SLC22A23: variants seen among roughly 807,000 people sequenced by gnomAD.
The protein encoded by SLC22A23 is ion transporter protein.
Under a neutral mutation model 61.0 loss-of-function variants are expected in SLC22A23, and 26 were observed. The observed-to-expected ratio is 0.43, with a 90% confidence interval of 0.31 to 0.59. The LOEUF (loss-of-function observed/expected upper bound fraction) is 0.59. Ranked by LOEUF, SLC22A23 falls within the 20% of genes least tolerant of loss-of-function variation. SLC22A23 has a pLI of 0.11. For missense variants in SLC22A23, 796 were observed against 934.7 expected, an observed-to-expected ratio of 0.85 and a Z score of 1.94; for synonymous variants, 430 against 413.9, an observed-to-expected ratio of 1.04 and a Z score of -0.47.
At position 3,372,832 on chromosome 6, in the gene SLC22A23, C is replaced by T. The variant is rs1289480100; in HGVS notation, c.913+37356G>A. 6.6e-6 allele frequency among the ~76,000 whole-genome samples: 1 copy of T among 152,230 alleles called. No homozygotes were observed. The highest frequency in any genetic ancestry group is 6.5e-5 in the Admixed American group (1 of 15,290). ...AAATCTCTTTCTCTTCATTATATTT[C>T]ATCGCCAAACATTTATGAAATACTT... is the stretch of plus-strand genomic sequence containing the variant. On this transcript the variant is annotated intron_variant, in intron 3 of 9. Coordinates refer to ENST00000406686, the MANE Select transcript of SLC22A23 (RefSeq NM_015482.2). The surrounding 1 kb of genome is among the most constrained non-coding windows in gnomAD (Gnocchi z 4.7).
chr6:3,395,517 T>G (rs1767949963), intron 3 of SLC22A23, among the ~76,000 whole-genome samples: 1 of 152,224 alleles, frequency 6.6e-6, no homozygotes, highest in South Asian at 2.1e-4. Context: ...AACTGCATAT[T>G]TAATTATTAC....
intron 1 of SLC22A23, among the ~76,000 whole-genome samples, chr6:3,447,132 G>A (rs1392899128): frequency 1.3e-5 from 2 of 152,150 alleles, no homozygotes; most frequent in Non-Finnish European, 2.9e-5. Context: ...AAAGTTCTTA[G>A]CACGGTTTAT....
At position 3,447,583 on chromosome 6, in the gene SLC22A23, C is replaced by CTTT. The variant is rs757788904; in HGVS notation, c.654+8320_654+8322dup. Among the ~76,000 whole-genome samples the CTTT allele has an allele frequency of 4.7e-3, 531 of 113,370 alleles. 24 individuals are homozygous for CTTT. The highest frequency in any genetic ancestry group is 0.013 in the African/African-American group (384 of 28,854). 74.4% of individuals were successfully genotyped at this position (113,370 alleles called of 152,430 possible). On this transcript the variant is annotated intron_variant, in intron 1 of 9. Transcript: ENST00000406686. Reference sequence around the variant, plus strand: ...AAGGAGGAGAGAGGAAAGAAACTTTCTTTTTTTTTTTTTTTTTTTGTCTGA... The same window carrying CTTT: ...AAGGAGGAGAGAGGAAAGAAACTTTCTTTTTTTTTTTTTTTTTTTTTTGTCTGA...
At chr6:3,447,012 T>G (rs1199186798) in intron 1 of SLC22A23, among the ~76,000 whole-genome samples, 1 of 151,546 alleles carries the variant, frequency 6.6e-6, no homozygotes, top group Non-Finnish European at 1.5e-5. Context: ...CCACGCGAGA[T>G]CTCACTGCAG....
In SLC22A23 at chr6:3,333,771, C is replaced by T. The variant is rs114445222; in HGVS notation, c.914-9769G>A. Among the ~76,000 whole-genome samples, 180 of 152,342 alleles carry T rather than the reference C, an allele frequency of 1.2e-3. No individual in the cohort carries two copies. Among genetic ancestry groups the T allele is most frequent in the Non-Finnish European group, 2.1e-3 (142 of 68,046 alleles). ...GCAGCAGCAGCCTCACCTGGGGCCA[C>T]CACCTCAGAAACACAGAGTCGGGGC... On this transcript the variant is annotated intron_variant, in intron 3 of 9. Coordinates refer to ENST00000406686, the MANE Select transcript of SLC22A23 (RefSeq NM_015482.2). This position sits in a 1 kb window ranked among gnomAD's most constrained non-coding sequence, Gnocchi z 4.1.
At chr6:3,429,321 G>A (rs1183017799) in intron 1 of SLC22A23, among the ~76,000 whole-genome samples, 2 of 152,148 alleles carry the variant, frequency 1.3e-5, no homozygotes, top group Non-Finnish European at 2.9e-5. Flanking sequence ...CTGCTAATTG[G>A]TAAGATATGG....
chr6:3,300,759 A>G (rs751999299), intron 4 of SLC22A23, among the ~76,000 whole-genome samples: 84 of 152,238 alleles, frequency 5.5e-4, no homozygotes, highest in Non-Finnish European at 1.1e-3. Context: ...CCAAATTTCT[A>G]TTTGCTTGTG....
intron 4 of SLC22A23, among the ~76,000 whole-genome samples, chr6:3,303,835 G>A (rs557194928): frequency 5.3e-5 from 8 of 152,140 alleles, no homozygotes; most frequent in Non-Finnish European, 8.8e-5. Flanking sequence ...TTCAAATATC[G>A]AATGTTCCCA....
At chr6:3,413,842 A>G (rs745703300) in intron 2 of SLC22A23, among the ~76,000 whole-genome samples, 67 of 152,208 alleles carry the variant, frequency 4.4e-4, no homozygotes, top group Non-Finnish European at 6.9e-4. Context: ...CAAGCTTTCA[A>G]ACTGAAAGGG....
chr6:3,363,051 G>A (rs9328165), intron 3 of SLC22A23, among the ~76,000 whole-genome samples: 106,865 of 152,166 alleles, frequency 0.7, 37,761 homozygotes, highest in East Asian at 0.84. Context: ...GGGACATCCC[G>A]CAGCCCACTG....
chr6:3,366,732 A>G (rs1765863140), intron 3 of SLC22A23, among the ~76,000 whole-genome samples: 1 of 152,160 alleles, frequency 6.6e-6, no homozygotes, highest in Admixed American at 6.5e-5. Flanking sequence ...AGCCTCAGAG[A>G]GCGACTTAAA....
Position 3,273,110 on chromosome 6 carries a change from G to A in SLC22A23, c.2006C>T (p.Ala669Val), listed in dbSNP as rs755568717. ...ACCCTCGGGCAGTGTGTCACCCGCGGCTGCGGCATCGTGGAGGCCCGAGTA... is the reference window on the plus strand; with the variant it reads ...ACCCTCGGGCAGTGTGTCACCCGCGACTGCGGCATCGTGGAGGCCCGAGTA... ...KDYSGLHDAAAAGDTLPEGAT... is the reference protein window; with the variant it reads ...KDYSGLHDAAVAGDTLPEGAT... The change falls in exon 10 of 10, where the codon GCC becomes GTC. Residue 669 changes from alanine to valine, a missense_variant. Transcript: ENST00000406686. 6.2e-7 allele frequency: 1 copy of A among 1,600,304 alleles called. No individual in the cohort carries two copies. Among genetic ancestry groups the A allele is most frequent in the Non-Finnish European group, 8.5e-7 (1 of 1,174,894 alleles).
At chr6:3,315,554 C>A (rs1034204297) in intron 4 of SLC22A23, among the ~76,000 whole-genome samples, 2 of 152,286 alleles carry the variant, frequency 1.3e-5, no homozygotes, top group Admixed American at 1.3e-4. Flanking sequence ...CAGTCTCGAA[C>A]CCTATTTCAT....
intron 4 of SLC22A23, among the ~76,000 whole-genome samples, chr6:3,310,465 G>A (rs1039164444): frequency 1.4e-5 from 2 of 144,832 alleles, no homozygotes; most frequent in Non-Finnish European, 3.0e-5. Context: ...CTGATGCACC[G>A]CAGGGTAACT....
In SLC22A23 at chr6:3,330,520, A is replaced by C. The variant is rs1262173648; in HGVS notation, c.914-6518T>G. Among the ~76,000 whole-genome samples the C allele has an allele frequency of 6.6e-6, 1 of 152,230 alleles. No individual in the cohort carries two copies. Among genetic ancestry groups the C allele is most frequent in the East Asian group, 1.9e-4 (1 of 5,204 alleles). Reference sequence around the variant, plus strand: ...CCTCCCTCCTTCCTGTCACTCCCCAAGTGGGCCTGGAAGTGAACACACCAC... The same window carrying C: ...CCTCCCTCCTTCCTGTCACTCCCCACGTGGGCCTGGAAGTGAACACACCAC... On this transcript the variant is annotated intron_variant, in intron 3 of 9. Coordinates refer to ENST00000406686, the MANE Select transcript of SLC22A23 (RefSeq NM_015482.2). The surrounding 1 kb of genome is among the most constrained non-coding windows in gnomAD (Gnocchi z 4.7).
chr6:3,346,127 G>C (rs1764421641), intron 3 of SLC22A23, among the ~76,000 whole-genome samples: 1 of 152,150 alleles, frequency 6.6e-6, no homozygotes, highest in Non-Finnish European at 1.5e-5. Context: ...GCCTTGAACT[G>C]CTCAAAGCCC....
At position 3,271,372 on chromosome 6, in the gene SLC22A23, CTG is replaced by C. The variant is rs950920392; in HGVS notation, c.*1681_*1682del. On this transcript the variant is annotated 3_prime_UTR_variant, in exon 10 of 10. Transcript: ENST00000406686. ...TGGCCAAGAGTCTGCTTGCCCCTTG[CTG>C]TGTCTTTACACATCTCCAGGCCCTT... The C allele has an allele frequency of 2.6e-5, 4 of 152,360 alleles. No homozygotes were observed. The highest frequency in any genetic ancestry group is 9.6e-5 in the African/African-American group (4 of 41,452). The allele number at this position is 152,360 out of a possible 1,614,324, so 9.4% of individuals were successfully genotyped here. A position where few individuals can be genotyped will look rare whatever the true frequency, so the allele number is the denominator to read the frequency against.
intron 3 of SLC22A23, among the ~76,000 whole-genome samples, chr6:3,392,433 A>G (rs1354699475): frequency 2.0e-5 from 3 of 152,228 alleles, no homozygotes; most frequent in African/African-American, 7.2e-5. Context: ...ATATAGACAG[A>G]TCGATGCAGG....
At chr6:3,362,433 A>AAAAAAAAAAAAAAAAAAAAAAAAAAAAAC (rs1765533810) in intron 3 of SLC22A23, among the ~76,000 whole-genome samples, 1 of 132,304 alleles carries the variant, frequency 7.6e-6, no homozygotes. Flanking sequence ...AAAAAATAAA[A>AAAAAAAAAAAAAAAAAAAAAAAAAAAAAC]AATAAAAATT....
Sources: allele counts gnomAD v4.1 joint callset (sites outside exome capture counted in the v4.1 genomes callset), GRCh38; gene constraint gnomAD v4.1.1; non-coding constraint Gnocchi (gnomAD v3.1); transcripts MANE v1.5; gene names NCBI Gene and HGNC (gene_info 2026-07-23, HGNC 2026-07-21).